Variants in HMCN2 observed in about 807,000 individuals in gnomAD.
The protein encoded by HMCN2 is hemicentin-2.
A neutral mutation model predicts 377.5 loss-of-function variants in HMCN2; 325 were observed. The ratio of observed to expected loss-of-function variants is 0.86; its 90% CI spans 0.79 to 0.94. The LOEUF (loss-of-function observed/expected upper bound fraction) is 0.94. Ranked by LOEUF, HMCN2 falls within the 40% of genes least tolerant of loss-of-function variation. HMCN2 has a pLI of 0.00. For synonymous variants in HMCN2, 2,007 were observed against 2,046.8 expected, an observed-to-expected ratio of 0.98 and a Z score of 0.53; for missense variants, 4,543 against 4,725.3, an observed-to-expected ratio of 0.96 and a Z score of 1.13.
At position 130,375,615 on chromosome 9, in the gene HMCN2, C is replaced by T. The variant is rs1294993433; in HGVS notation, c.7683C>T (p.Thr2561=). ...GAEDSADEEV[T]VTVNNPISLI... ...AGGACAGTGCAGATGAGGAGGTGAC[C>T]GTGACTGTCAACAACCCCATCTCTC... Residue 2561 remains threonine (T), a synonymous_variant, in exon 50 of 98, where the codon ACC becomes ACT. Coordinates refer to ENST00000683500, the MANE Select transcript of HMCN2 (RefSeq NM_001291815.2). The T allele has an allele frequency of 6.1e-6, 6 of 985,726 alleles. No individual in the cohort carries two copies. The highest frequency in any genetic ancestry group is 1.2e-4 in the Admixed American group (2 of 16,266). The allele number at this position is 985,726 out of a possible 1,614,324, so 61.1% of individuals were successfully genotyped here. A position where few individuals can be genotyped will look rare whatever the true frequency, so the allele number is the denominator to read the frequency against.
At position 130,422,733 on chromosome 9, in the gene HMCN2, G is replaced by A. The variant is rs919958697; in HGVS notation, c.13381+7G>A. 10 of 1,275,544 alleles carry A rather than the reference G, an allele frequency of 7.8e-6. No homozygotes were observed. The African/African-American group carries it at 1.5e-4, about 20-fold the overall frequency. 79.0% of individuals were successfully genotyped at this position (1,275,544 alleles called of 1,614,324 possible). ...CATGTCCCAGCAAACGTGGGTGAGT[G>A]GAAGGCAGAGCATCACCTGCCTCTG... On this transcript the variant is annotated splice_region_variant and intron_variant, in intron 87 of 97. Transcript: ENST00000683500. This position sits in a 1 kb window ranked among gnomAD's most constrained non-coding sequence, Gnocchi z 4.2.
At position 130,348,688 on chromosome 9, in the gene HMCN2, CT is replaced by C; in HGVS notation, c.4155+14del. The C allele has an allele frequency of 8.7e-7, 1 of 1,152,760 alleles. No individual in the cohort carries two copies. Among genetic ancestry groups the C allele is most frequent in the Admixed American group, 2.3e-5 (1 of 42,970 alleles). 71.4% of individuals were successfully genotyped at this position (1,152,760 alleles called of 1,614,324 possible). A position where few individuals can be genotyped will look rare whatever the true frequency, so the allele number is the denominator to read the frequency against. ...GGACGCGCAGCTGGTGGGTGTCCCC[CT>C]AGGGTGGGCGGGGTATGGGTGGGAT... is the stretch of plus-strand genomic sequence containing the variant. On this transcript the variant is annotated intron_variant, in intron 27 of 97. Transcript: ENST00000683500.
intron 22 of HMCN2, among the ~76,000 whole-genome samples, chr9:130,333,702 G>T (rs1252992556): frequency 3.3e-5 from 5 of 152,316 alleles, no homozygotes; most frequent in Non-Finnish European, 7.3e-5. Flanking sequence ...TCCCTGCTGG[G>T]CTGCAGCCCC....
chr9:130,372,512 GC>G, intron 47 of HMCN2, 105 bp downstream of exon 47: 1 of 229,104 alleles, frequency 4.4e-6, no homozygotes, highest in Non-Finnish European at 7.2e-6. Context: ...TGTAGCAGGG[GC>G]CCAGCACAGA....
At chr9:130,299,619 C>A (rs1440318607) in intron 8 of HMCN2, among the ~76,000 whole-genome samples, 2 of 150,640 alleles carry the variant, frequency 1.3e-5, no homozygotes, top group African/African-American at 4.9e-5. Context: ...ATGCACCCAC[C>A]CATCCACTCA....
At chr9:130,353,346 C>A in intron 31 of HMCN2, 141 bp downstream of exon 31, 1 of 676,160 alleles carries the variant, frequency 1.5e-6, no homozygotes, top group Non-Finnish European at 2.1e-6. Context: ...AAGACATTAT[C>A]TAGGGAGAAG....
intron 85 of HMCN2, among the ~76,000 whole-genome samples, chr9:130,418,106 G>A (rs1843789655): frequency 6.6e-6 from 1 of 152,144 alleles, no homozygotes; most frequent in Non-Finnish European, 1.5e-5. Flanking sequence ...AGGCAGTTCT[G>A]ACAGATGGCC....
chr9:130,287,355 A>T (rs1554928245), intron 4 of HMCN2, among the ~76,000 whole-genome samples: 1 of 151,788 alleles, frequency 6.6e-6, no homozygotes, highest in Admixed American at 6.6e-5. Flanking sequence ...GGTGCGGCCC[A>T]TTCTTCGAGC....
At position 130,401,007 on chromosome 9, in the gene HMCN2, G is replaced by A. The variant is rs1213897806; in HGVS notation, c.11770+60G>A. On this transcript the variant is annotated intron_variant, in intron 77 of 97. Transcript: ENST00000683500. ...AGGGGAGACTGGGAGAGCAGGCAGA[G>A]GGGGTGAAAGGTCACATGGCGGAAT... 3 of 1,224,906 alleles carry A rather than the reference G, an allele frequency of 2.4e-6. No homozygotes were observed. In the East Asian group the frequency reaches 1.7e-4, roughly 71 times the overall value. The allele number at this position is 1,224,906 out of a possible 1,614,324, so 75.9% of individuals were successfully genotyped here.
At chr9:130,324,056 T>C (rs1348541804) in intron 19 of HMCN2, among the ~76,000 whole-genome samples, 2 of 152,240 alleles carry the variant, frequency 1.3e-5, no homozygotes, top group African/African-American at 4.8e-5. Flanking sequence ...CATTTGACGA[T>C]GTTTAGGTGT....
At chr9:130,390,885 C>T (rs1676348536) in intron 62 of HMCN2, 92 bp from the exon 63 acceptor site, 1 of 839,640 alleles carries the variant, frequency 1.2e-6, no homozygotes, top group African/African-American at 1.8e-5. Flanking sequence ...AAGGTGGGGA[C>T]ATATAAGAAG....
In HMCN2 at chr9:130,382,822, C is replaced by T. The variant is rs1220237972; in HGVS notation, c.8689C>T (p.Pro2897Ser). The change falls in exon 56 of 98, where the codon CCG becomes TCG. Residue 2897 changes from proline (P) to serine (S), a missense_variant. By Grantham distance (74) the Pro-to-Ser change is moderately conservative. Coordinates refer to ENST00000683500, the MANE Select transcript of HMCN2 (RefSeq NM_001291815.2). ...SWLQNGLPFS[P>S]SPRLQVLEDG... ...GCTCCAGAATGGGCTGCCTTTCTCC[C>T]CGAGCCCACGGCTGCAGGTCCTGGA... The T allele has an allele frequency of 2.0e-6, 2 of 985,808 alleles. No individual in the cohort carries two copies. Among genetic ancestry groups the T allele is most frequent in the Admixed American group, 1.2e-4 (2 of 16,266 alleles). The allele number at this position is 985,808 out of a possible 1,614,324, so 61.1% of individuals were successfully genotyped here. A position where few individuals can be genotyped will look rare whatever the true frequency, so the allele number is the denominator to read the frequency against.
chr9:130,392,356 C>T (rs953191136), intron 66 of HMCN2, among the ~76,000 whole-genome samples: 49 of 152,092 alleles, frequency 3.2e-4, no homozygotes, highest in African/African-American at 7.2e-4. Flanking sequence ...GAAGGAGAGA[C>T]CAACTGGGCC....
rs770960861 is a variant in HMCN2 at position 130,392,772 on chromosome 9, A to G, written c.10137-440A>G. Among the ~76,000 whole-genome samples, 158 of 152,058 alleles carry G rather than the reference A, an allele frequency of 1.0e-3. 1 individual carries two copies. Among genetic ancestry groups the G allele is most frequent in the Non-Finnish European group, 1.6e-3 (106 of 68,002 alleles). ...AGCACTTTGGGAGGCCAAGGCGGGCAGATTACAAGGTCAGGAGATCAAGAC... is the reference window on the plus strand; with the variant it reads ...AGCACTTTGGGAGGCCAAGGCGGGCGGATTACAAGGTCAGGAGATCAAGAC... On this transcript the variant is annotated intron_variant, in intron 66 of 97. Coordinates refer to ENST00000683500, the MANE Select transcript of HMCN2 (RefSeq NM_001291815.2).
intron 87 of HMCN2, 48 bp from the exon 88 acceptor site, chr9:130,424,728 G>T (rs1844224938): frequency 1.4e-6 from 2 of 1,461,338 alleles, no homozygotes; most frequent in Non-Finnish European, 1.8e-6. Context: ...GGAGGTGGCT[G>T]CCCTGAGGAT....
Position 130,342,054 on chromosome 9 carries a change from A to AATAAATAAATAAATAAAT in HMCN2, c.3743-287_3743-286insTAAATAAATATAAATAAA, listed in dbSNP as rs1241504109. On this transcript the variant is annotated intron_variant, in intron 24 of 97. Transcript: ENST00000683500. ...AAATAAATAAATAAATAAATAAATA[A>AATAAATAAATAAATAAAT]ATAAATAAAAGCTTGGAAAGCCACT... Among the ~76,000 whole-genome samples the AATAAATAAATAAATAAAT allele has an allele frequency of 8.8e-3, 1,336 of 151,038 alleles. 8 individuals carry two copies. The highest frequency in any genetic ancestry group is 0.017 in the Middle Eastern group (5 of 292).
chr9:130,422,252 C>T lies in HMCN2; in HGVS notation c.13232-325C>T. The stretch of plus-strand genomic sequence containing the variant: ...CACAGGTCTTCTGTGAGTTTGTGGT[C>T]CCGCCTCCTCATTTTACAGGTGAGC... On this transcript the variant is annotated intron_variant, in intron 86 of 97. Transcript: ENST00000683500. The surrounding 1 kb of genome is among the most constrained non-coding windows in gnomAD (Gnocchi z 4.2). 6.6e-6 allele frequency among the ~76,000 whole-genome samples: 1 copy of T among 152,214 alleles called. No homozygotes were observed. Among genetic ancestry groups the T allele is most frequent in the East Asian group, 1.9e-4 (1 of 5,194 alleles).
intron 4 of HMCN2, among the ~76,000 whole-genome samples, chr9:130,287,937 T>A (rs1271937909): frequency 2.6e-5 from 4 of 152,114 alleles, no homozygotes; most frequent in African/African-American, 4.8e-5. Context: ...CAGGAGTGTG[T>A]TTAGATTAGC....
intron 7 of HMCN2, among the ~76,000 whole-genome samples, chr9:130,297,492 A>T (rs1836235730): frequency 6.6e-6 from 1 of 152,294 alleles, no homozygotes; most frequent in South Asian, 2.1e-4. Context: ...AAAGGTCTCA[A>T]TTTATAGTTG....
Sources: allele counts gnomAD v4.1 joint callset (sites outside exome capture counted in the v4.1 genomes callset), GRCh38; gene constraint gnomAD v4.1.1; non-coding constraint Gnocchi (gnomAD v3.1); transcripts MANE v1.5; gene names NCBI Gene and HGNC (gene_info 2026-07-23, HGNC 2026-07-21).